Variants in MEIKIN observed in about 807,000 individuals in gnomAD.
MEIKIN encodes meiotic kinetochore factor.
chr5:131,922,372 T>C (rs1227406969), intron 5 of MEIKIN, among the ~76,000 whole-genome samples: 4 of 152,074 alleles, frequency 2.6e-5, no homozygotes, highest in Non-Finnish European at 2.9e-5. Flanking sequence ...ACTCAACATA[T>C]ACAGCCTTTT....
intron 5 of MEIKIN, among the ~76,000 whole-genome samples, chr5:131,922,353 T>G (rs1421955567): frequency 6.6e-6 from 1 of 152,136 alleles, no homozygotes; most frequent in Non-Finnish European, 1.5e-5. Context: ...GGAAAAAAAT[T>G]GCATCCATAC....
At chr5:131,895,720 A>G (rs1325917018) in intron 8 of MEIKIN, among the ~76,000 whole-genome samples, 1 of 152,068 alleles carries the variant, frequency 6.6e-6, no homozygotes, top group East Asian at 1.9e-4. Flanking sequence ...TATTTCTGGG[A>G]TCAGTGGTGA....
chr5:131,853,284 T>C (rs1296141052), intron 10 of MEIKIN, among the ~76,000 whole-genome samples: 1 of 152,208 alleles, frequency 6.6e-6, no homozygotes, highest in Non-Finnish European at 1.5e-5. Flanking sequence ...GTGGAGACCA[T>C]GGACGTTATG....
intron 8 of MEIKIN, among the ~76,000 whole-genome samples, chr5:131,898,709 C>T (rs192341854): frequency 2.6e-5 from 4 of 152,344 alleles, no homozygotes; most frequent in African/African-American, 4.8e-5. Flanking sequence ...AGCAAAACTC[C>T]GTGGGCATGG....
chr5:131,898,861 C>T (rs920813743), intron 8 of MEIKIN, among the ~76,000 whole-genome samples: 1 of 152,204 alleles, frequency 6.6e-6, no homozygotes, highest in African/African-American at 2.4e-5. Flanking sequence ...AAAGGGAAAT[C>T]CCCTGACCCC....
chr5:131,897,161 T>C (rs1751067065), intron 8 of MEIKIN, among the ~76,000 whole-genome samples: 1 of 152,246 alleles, frequency 6.6e-6, no homozygotes, highest in South Asian at 2.1e-4. Flanking sequence ...TGGCTGGATA[T>C]GAAATTCTGG....
intron 5 of MEIKIN, among the ~76,000 whole-genome samples, chr5:131,926,212 C>T (rs982473263): frequency 1.3e-5 from 2 of 152,026 alleles, no homozygotes; most frequent in African/African-American, 2.4e-5. Flanking sequence ...GAGGTAATTG[C>T]CTTCTGTTCC....
chr5:131,824,262 C>T (rs1042012842), intron 11 of MEIKIN, among the ~76,000 whole-genome samples: 7 of 152,084 alleles, frequency 4.6e-5, no homozygotes, highest in East Asian at 1.9e-4. Flanking sequence ...CACTTGTAAT[C>T]CCAGCACTTT....
intron 11 of MEIKIN, among the ~76,000 whole-genome samples, chr5:131,823,399 CTCTG>C (rs1749555324): frequency 1.4e-5 from 2 of 144,216 alleles, no homozygotes; most frequent in Non-Finnish European, 2.9e-5. Context: ...TTTGTCTCCT[CTCTG>C]TCTTTTCAAA....
At chr5:131,910,018 C>T (rs1751306199) in intron 8 of MEIKIN, among the ~76,000 whole-genome samples, 1 of 152,078 alleles carries the variant, frequency 6.6e-6, no homozygotes, top group Admixed American at 6.6e-5. Flanking sequence ...GGAGCTTCCT[C>T]GAAAACATAA....
Position 131,871,778 on chromosome 5 carries a change from C to T in MEIKIN, c.774+7200G>A, listed in dbSNP as rs1005017192. The stretch of plus-strand genomic sequence containing the variant: ...GGGGCGGACTGACACCTCACACAGC[C>T]GGGTACTCCTCTGAGACAAAACTTC... On this transcript the variant is annotated intron_variant, in intron 9 of 12. Coordinates refer to ENST00000442687, the MANE Select transcript of MEIKIN (RefSeq NM_001303622.2). Among the ~76,000 whole-genome samples, 82 of 152,242 alleles carry T rather than the reference C, an allele frequency of 5.4e-4. 1 individual carries two copies. The highest frequency in any genetic ancestry group is 2.9e-4 in the African/African-American group (12 of 41,548).
intron 8 of MEIKIN, among the ~76,000 whole-genome samples, chr5:131,883,539 C>T (rs1036564306): frequency 1.3e-5 from 2 of 152,146 alleles, no homozygotes; most frequent in Non-Finnish European, 2.9e-5. Context: ...AGTAGAAGAG[C>T]CTGGCACACG....
chr5:131,842,480 C>T (rs190538977), intron 11 of MEIKIN, among the ~76,000 whole-genome samples: 12 of 151,958 alleles, frequency 7.9e-5, no homozygotes, highest in African/African-American at 2.9e-4. Context: ...TCCATCTATA[C>T]CTAATTTGTT....
At chr5:131,831,017 C>T (rs1043856727) in intron 11 of MEIKIN, among the ~76,000 whole-genome samples, 1 of 152,106 alleles carries the variant, frequency 6.6e-6, no homozygotes, top group Non-Finnish European at 1.5e-5. Context: ...CCTGCCTCAG[C>T]CTCCCAAGTA....
intron 8 of MEIKIN, among the ~76,000 whole-genome samples, chr5:131,892,768 T>C (rs1050445246): frequency 6.6e-6 from 1 of 152,234 alleles, no homozygotes; most frequent in Non-Finnish European, 1.5e-5. Context: ...GGAGCTGCGT[T>C]CCTTTGGAGG....
At position 131,914,335 on chromosome 5, in the gene MEIKIN, G is replaced by C. The variant is rs187160754; in HGVS notation, c.639-2456C>G. Among the ~76,000 whole-genome samples the C allele has an allele frequency of 2.2e-4, 33 of 148,726 alleles. No individual in the cohort carries two copies. In the East Asian group the frequency reaches 2.4e-3, roughly 11 times the overall value. On this transcript the variant is annotated intron_variant, in intron 7 of 12. Coordinates refer to ENST00000442687, the MANE Select transcript of MEIKIN (RefSeq NM_001303622.2). Reference sequence around the variant, plus strand: ...GGAGTTCGAGGTTACAGTGAGCTATGATGGTGCCACCGCACTCCAGCCTGG... The same window carrying C: ...GGAGTTCGAGGTTACAGTGAGCTATCATGGTGCCACCGCACTCCAGCCTGG...
At chr5:131,938,769 T>G (rs968040039) in intron 4 of MEIKIN, among the ~76,000 whole-genome samples, 2 of 152,236 alleles carry the variant, frequency 1.3e-5, no homozygotes, top group African/African-American at 4.8e-5. Context: ...AGATTTTTCT[T>G]GTATTGTCAT....
intron 12 of MEIKIN, among the ~76,000 whole-genome samples, chr5:131,813,006 C>T (rs975631787): frequency 2.0e-5 from 3 of 152,218 alleles, no homozygotes; most frequent in African/African-American, 7.2e-5. Context: ...GTCTGACCTA[C>T]CAAGTCATAA....
At chr5:131,842,480 C>A (rs190538977) in intron 11 of MEIKIN, among the ~76,000 whole-genome samples, 107 of 152,076 alleles carry the variant, frequency 7.0e-4, no homozygotes, top group Middle Eastern at 3.4e-3. Flanking sequence ...TCCATCTATA[C>A]CTAATTTGTT....
Sources: allele counts gnomAD v4.1 joint callset (sites outside exome capture counted in the v4.1 genomes callset), GRCh38; gene constraint gnomAD v4.1.1; transcripts MANE v1.5; gene names NCBI Gene and HGNC (gene_info 2026-07-23, HGNC 2026-07-21).